Variants in EP400 observed in about 807,000 individuals in gnomAD.
EP400 encodes the protein E1A binding protein p400.
A neutral mutation model predicts 354.1 loss-of-function variants in EP400; 105 were observed. The ratio of observed to expected loss-of-function variants is 0.30; its 90% confidence interval spans 0.25 to 0.35. EP400 has a LOEUF of 0.35. Ranked by LOEUF, EP400 falls within the 10% of genes least tolerant of loss-of-function variation. EP400 has a pLI of 1.00. For missense variants in EP400, 3,280 were observed against 4,121.0 expected (o/e 0.80, Z 5.59); for synonymous variants, 1,646 against 1,716.9 (o/e 0.96, Z 1.02).
intron 2 of EP400, among the ~76,000 whole-genome samples, chr12:131,977,567 A>G (rs543207972): frequency 2.0e-5 from 3 of 151,704 alleles, no homozygotes; most frequent in South Asian, 4.2e-4. Flanking sequence ...CATGTTCATT[A>G]TAGAACATTT....
At position 131,960,674 on chromosome 12, in the gene EP400, G is replaced by T; in HGVS notation, c.55G>T (p.Ala19Ser). 6.3e-7 allele frequency: 1 copy of T among 1,585,096 alleles called. No homozygotes were observed. The highest frequency in any genetic ancestry group is 2.3e-5 in the East Asian group (1 of 43,932). The change falls in exon 2 of 53, where the codon GCC (alanine) becomes TCC (serine). Residue 19 changes from alanine to serine, a missense_variant. By Grantham distance (99) the Ala-to-Ser change is moderately conservative. Coordinates refer to ENST00000389561, the MANE Select transcript of EP400 (RefSeq NM_015409.5). ...CCAGCATCAGCTGCAGAGGTCCAGG[G>T]CCTGCCCTGGCAGCGAGGGTGAGGA... is the stretch of plus-strand genomic sequence containing the variant. ...NVQHQLQRSRACPGSEGEEQP... is the reference protein window; with the variant it reads ...NVQHQLQRSRSCPGSEGEEQP...
rs752684673 is a variant in EP400 at position 132,069,524 on chromosome 12, C to T, written c.8904C>T (p.Gly2968=). 17 of 1,614,076 alleles carry T rather than the reference C, an allele frequency of 1.1e-5. No homozygotes were observed. The highest frequency in any genetic ancestry group is 2.2e-5 in the East Asian group (1 of 44,900). The change falls in exon 51 of 53, where the codon GGC becomes GGT. Residue 2968 remains glycine, a synonymous_variant. Coordinates refer to ENST00000389561, the MANE Select transcript of EP400 (RefSeq NM_015409.5). ...CCGCACAGCAGATCACCACCCCTGG[C>T]GCGCAGCAGAAGGTTGCCTACGCCG... ...KITAQQITTP[G]AQQKVAYAAQ...
chr12:132,033,249 A>G (rs757734678), intron 30 of EP400, among the ~76,000 whole-genome samples: 2 of 152,172 alleles, frequency 1.3e-5, no homozygotes, highest in South Asian at 2.1e-4. Context: ...CGCCTGGCCT[A>G]TTATTATCTG....
chr12:132,045,040 TCTGCTGTCTGCCTG>T, intron 37 of EP400, 87 bp downstream of exon 37: 1 of 1,520,912 alleles, frequency 6.6e-7, no homozygotes, highest in Non-Finnish European at 8.8e-7. Flanking sequence ...TGTCTGCCTG[TCTGCTGTCTGCCTG>T]TCTGCTGCAG....
intron 1 of EP400, among the ~76,000 whole-genome samples, chr12:131,952,302 C>CAAAAAAAAAAAAA (rs927214848): frequency 5.5e-4 from 26 of 46,858 alleles, no homozygotes; most frequent in Non-Finnish European, 8.6e-4. Flanking sequence ...GACTCTGTCT[C>CAAAAAAAAAAAAA]AAAAAAAAAA....
chr12:131,951,812 T>C (rs898223269), intron 1 of EP400, among the ~76,000 whole-genome samples: 4 of 151,948 alleles, frequency 2.6e-5, no homozygotes, highest in African/African-American at 7.2e-5. Context: ...GTTTTGTTCT[T>C]GTTGCCCAGG....
In EP400 at chr12:132,045,657, C is replaced by A; in HGVS notation, c.7027-70C>A. ...TCACTGTGATCACTTTGCAGGGAGT[C>A]TTTGGCAAGAGGGAAGACCTTCTGA... On this transcript the variant is annotated intron_variant, in intron 38 of 52. Transcript: ENST00000389561. 5 of 1,603,018 alleles carry A rather than the reference C, an allele frequency of 3.1e-6. No homozygotes were observed. The South Asian group carries it at 5.6e-5, about 18-fold the overall frequency.
At position 132,075,576 on chromosome 12, in the gene EP400, G is replaced by A. The variant is rs574698086; in HGVS notation, c.9022-940G>A. 3.9e-5 allele frequency: 6 copies of A among 152,278 alleles called. No individual in the cohort carries two copies. The highest frequency in any genetic ancestry group is 1.4e-4 in the African/African-American group (6 of 41,554). The allele number at this position is 152,278 out of a possible 1,614,324, so 9.4% of individuals were successfully genotyped here. On this transcript the variant is annotated intron_variant, in intron 51 of 52. Transcript: ENST00000389561. This position sits in a 1 kb window ranked among gnomAD's most constrained non-coding sequence, Gnocchi z 4.5. The stretch of plus-strand genomic sequence containing the variant: ...AGCAGTTCCACAGGGGGCGCTCAGG[G>A]CACTTATCTTAGTGAATTTTATTTA...
intron 51 of EP400, chr12:132,076,245 G>T: frequency 5.4e-4 from 242 of 447,648 alleles, no homozygotes; most frequent in East Asian, 8.8e-4. Flanking sequence ...AGTCGTTTTT[G>T]TGAAAAGAAA....
rs988539808 is a variant in EP400, at chr12:132,066,843, G to T, written c.8623G>T (p.Val2875Leu). ...MQTQAPQPAQ[V>L]ALAKPPVVSV... is the part of the protein sequence containing the mutation. ...GACCCAGGCACCCCAGCCAGCCCAG[G>T]TGGCCTTGGCGAAGCCTCCGGTGGT... is the stretch of plus-strand genomic sequence containing the variant. The change falls in exon 49 of 53, where the codon GTG becomes TTG. Residue 2875 changes from valine (V) to leucine (L), a missense_variant. Physicochemically the swap from Val to Leu is conservative, Grantham distance 32. Transcript: ENST00000389561. 6.2e-7 allele frequency: 1 copy of T among 1,614,054 alleles called. No homozygotes were observed. The highest frequency in any genetic ancestry group is 8.5e-7 in the Non-Finnish European group (1 of 1,179,984).
rs1383611214 is a variant in EP400, at chr12:131,986,676, G to A, written c.2092G>A (p.Ala698Thr). The change falls in exon 6 of 53, where the codon GCA (alanine) becomes ACA (threonine). Residue 698 changes from alanine (A) to threonine (T), a missense_variant. Around this residue, in one of 20 missense-constraint regions of EP400, gnomAD observed 800 missense variants for 840.0 expected, o/e 0.95. Coordinates refer to ENST00000389561, the MANE Select transcript of EP400 (RefSeq NM_015409.5). ...VNRPSSATNKALSPVTSRTPG... is the reference protein window; with the variant it reads ...VNRPSSATNKTLSPVTSRTPG... ...TAGACCTTCCTCAGCCACCAATAAGGCACTATCTCCAGTCACTTCCCGGAC... is the reference window on the plus strand; with the variant it reads ...TAGACCTTCCTCAGCCACCAATAAGACACTATCTCCAGTCACTTCCCGGAC... 5.0e-6 allele frequency: 8 copies of A among 1,614,092 alleles called. No individual in the cohort carries two copies. Among genetic ancestry groups the A allele is most frequent in the Admixed American group, 1.7e-5 (1 of 60,002 alleles).
intron 2 of EP400, among the ~76,000 whole-genome samples, chr12:131,970,647 G>A (rs541543204): frequency 2.6e-5 from 4 of 152,334 alleles, no homozygotes; most frequent in South Asian, 4.1e-4. Flanking sequence ...ACATTGATGC[G>A]CAGGTGTAAG....
In EP400 at chr12:132,011,432, C is replaced by T. The variant is rs146586649; in HGVS notation, c.3305-66C>T. The T allele has an allele frequency of 3.0e-3, 4,777 of 1,578,822 alleles. 17 individuals carry two copies. The highest frequency in any genetic ancestry group is 3.8e-3 in the Non-Finnish European group (4,356 of 1,160,954). On this transcript the variant is annotated intron_variant, in intron 15 of 52. Coordinates refer to ENST00000389561, the MANE Select transcript of EP400 (RefSeq NM_015409.5). ...TACTGATGAAGCGTCTCTGGTCAGA[C>T]ACAGTGCTAGGTGCCTGGACATGAC...
In EP400 at chr12:131,982,375, G is replaced by A. The variant is rs1200116984; in HGVS notation, c.1826G>A (p.Ser609Asn). Residue 609 changes from serine to asparagine, a missense_variant, in exon 5 of 53, where the codon AGC becomes AAC. Ser to Asn is a conservative substitution (Grantham distance 46, BLOSUM62 1). This residue lies in a region of EP400 where 800 missense variants were observed against 840.0 expected (regional missense o/e 0.95). Coordinates refer to ENST00000389561, the MANE Select transcript of EP400 (RefSeq NM_015409.5). ...GTTCCCATCCCTGCACCGCCCAGCAGCCAACTCCCCATCCCTCCCTCGCAG... is the reference window on the plus strand; with the variant it reads ...GTTCCCATCCCTGCACCGCCCAGCAACCAACTCCCCATCCCTCCCTCGCAG... ...PNVPIPAPPSSQLPIPPSQPA... is the reference protein window; with the variant it reads ...PNVPIPAPPSNQLPIPPSQPA... The A allele has an allele frequency of 6.2e-7, 1 of 1,614,142 alleles. No individual in the cohort carries two copies. The highest frequency in any genetic ancestry group is 8.5e-7 in the Non-Finnish European group (1 of 1,180,030).
At chr12:132,045,970 G>T in intron 39 of EP400, 70 bp downstream of exon 39, 1 of 1,556,424 alleles carries the variant, frequency 6.4e-7, no homozygotes. Context: ...TGCAGTTTCA[G>T]CTCCAGTCCT....
At chr12:132,033,735 T>A (rs1894601159) in intron 30 of EP400, among the ~76,000 whole-genome samples, 1 of 152,098 alleles carries the variant, frequency 6.6e-6, no homozygotes, top group Non-Finnish European at 1.5e-5. Flanking sequence ...TTTTGCTGTG[T>A]TGCCCAGGCT....
intron 30 of EP400, among the ~76,000 whole-genome samples, chr12:132,033,571 G>A (rs1333748931): frequency 6.8e-6 from 1 of 146,092 alleles, no homozygotes. Flanking sequence ...ACGGTCTGTT[G>A]CCCAGGCTGG....
At chr12:131,950,614 C>A (rs1401529612) in intron 1 of EP400, among the ~76,000 whole-genome samples, 1 of 152,228 alleles carries the variant, frequency 6.6e-6, no homozygotes, top group Admixed American at 6.5e-5. Context: ...TCGGCGTAGA[C>A]CTGCCCGGTC....
intron 5 of EP400, among the ~76,000 whole-genome samples, chr12:131,984,164 C>G (rs1315469545): frequency 1.3e-5 from 2 of 152,186 alleles, no homozygotes; most frequent in Non-Finnish European, 1.5e-5. Context: ...TTCCAAAGTG[C>G]TGGGATTACA....
Sources: gnomAD v4.1 joint callset for allele counts (sites outside exome capture counted in the v4.1 genomes callset) on GRCh38, gnomAD v4.1.1 for gene constraint, gnomAD v4.1.1 regional missense constraint, Gnocchi (gnomAD v3.1) non-coding constraint, MANE v1.5 for transcripts, NCBI Gene and HGNC (gene_info 2026-07-23, HGNC 2026-07-21) for gene names.